Variants in PLPP3 observed in about 807,000 individuals in gnomAD.
PLPP3 encodes the protein phospholipid phosphatase 3, also known as PAP2 beta.
Under a neutral mutation model 29.6 loss-of-function variants are expected in PLPP3, and 6 were observed. The observed-to-expected ratio is 0.20, with a 90% CI of 0.11 to 0.40. The LOEUF (loss-of-function observed/expected upper bound fraction) is 0.40, where lower values mean the gene tolerates loss of function less well. Among genes scored for constraint, PLPP3 ranks in the 10% least tolerant of loss-of-function variants. The pLI, the probability that PLPP3 is intolerant of heterozygous loss-of-function variation, is 1.00. For missense variants in PLPP3, 308 were observed against 407.7 expected, an observed-to-expected ratio of 0.76 and a Z score of 2.11; for synonymous variants, 152 against 159.7, an observed-to-expected ratio of 0.95 and a Z score of 0.36.
intron 1 of PLPP3, among the ~76,000 whole-genome samples, chr1:56,570,287 T>C (rs1646189017): frequency 6.6e-6 from 1 of 152,204 alleles, no homozygotes; most frequent in South Asian, 2.1e-4. Context: ...GTATTATGTG[T>C]TTTAGGGATA....
chr1:56,504,063 C>T (rs974812296), intron 5 of PLPP3, among the ~76,000 whole-genome samples: 2 of 152,148 alleles, frequency 1.3e-5, no homozygotes, highest in African/African-American at 4.8e-5. Flanking sequence ...TAAGCCACTA[C>T]GCACCCAGCC....
At position 56,578,895 on chromosome 1, in the gene PLPP3, A is replaced by G; in HGVS notation, c.122T>C (p.Leu41Pro). 6.3e-7 allele frequency: 1 copy of G among 1,593,298 alleles called. No homozygotes were observed. The highest frequency in any genetic ancestry group is 8.5e-7 in the Non-Finnish European group (1 of 1,171,974). The change falls in exon 1 of 6, where the codon CTC becomes CCC. Residue 41 changes from leucine to proline, a missense_variant. Leu to Pro is a moderately conservative substitution (Grantham distance 98). Around this residue, in one of 3 missense-constraint regions of PLPP3, gnomAD observed 67 missense variants for 61.3 expected, o/e 1.09. Transcript: ENST00000371250. ...SKRVLLICLD[L>P]FCLFMAGLPF... ...GGGCTCACCCATGAAGAGGCAGAAGAGGTCGAGGCAGATGAGCAGCACCCG... is the reference window on the plus strand; with the variant it reads ...GGGCTCACCCATGAAGAGGCAGAAGGGGTCGAGGCAGATGAGCAGCACCCG...
chr1:56,569,613 AAAT>A (rs1442837531), intron 1 of PLPP3, among the ~76,000 whole-genome samples: 6 of 152,206 alleles, frequency 3.9e-5, no homozygotes, highest in African/African-American at 1.4e-4. Context: ...TCCAAGATAA[AAAT>A]AAAAAGAAAA....
intron 1 of PLPP3, among the ~76,000 whole-genome samples, chr1:56,557,066 GAA>G (rs1423668744): frequency 8.4e-4 from 106 of 125,536 alleles, no homozygotes; most frequent in Middle Eastern, 4.0e-3. Context: ...GAGAAAGAAA[GAA>G]AGAAAGAAAA....
At chr1:56,497,149 A>G (rs17114036) in intron 5 of PLPP3, among the ~76,000 whole-genome samples, 16,407 of 152,280 alleles carry the variant, frequency 0.11, 969 homozygotes, top group African/African-American at 0.16. Flanking sequence ...AGGCAGTGGT[A>G]ACTACTTTTT....
intron 1 of PLPP3, among the ~76,000 whole-genome samples, chr1:56,573,515 T>A (rs990771295): frequency 1.3e-5 from 2 of 152,132 alleles, no homozygotes; most frequent in African/African-American, 4.8e-5. Context: ...AACATAGTGA[T>A]TCTAAAATTG....
intron 4 of PLPP3, among the ~76,000 whole-genome samples, chr1:56,514,422 G>A (rs891523612): frequency 1.3e-5 from 2 of 152,114 alleles, no homozygotes; most frequent in African/African-American, 4.8e-5. Context: ...GGGGAAGGTG[G>A]GTGAGCAGTG....
At chr1:56,511,733 C>G (rs1645742260) in intron 5 of PLPP3, among the ~76,000 whole-genome samples, 1 of 151,910 alleles carries the variant, frequency 6.6e-6, no homozygotes, top group Non-Finnish European at 1.5e-5. Context: ...GAGCCCAAAA[C>G]CTCTGTATTT....
Position 56,494,795 on chromosome 1 carries a change from A to T in PLPP3, c.*1756T>A, listed in dbSNP as rs1645620893. On this transcript the variant is annotated 3_prime_UTR_variant, in exon 6 of 6. Transcript: ENST00000371250. ...TTACGAGCTTTTATTTAAAAAGCAC[A>T]TTTAATACAAGTATAGTTTCGCAGA... 1 of 152,702 alleles carries T rather than the reference A, an allele frequency of 6.5e-6. No individual in the cohort carries two copies. 9.5% of individuals were successfully genotyped at this position (152,702 alleles called of 1,614,324 possible).
intron 1 of PLPP3, among the ~76,000 whole-genome samples, chr1:56,572,885 T>C (rs1646209132): frequency 6.6e-6 from 1 of 152,184 alleles, no homozygotes; most frequent in Admixed American, 6.5e-5. Flanking sequence ...TATTACCAGG[T>C]TTGCTTATTT....
chr1:56,536,935 A>G lies in PLPP3; in HGVS notation c.297+20T>C, dbSNP rs765247011. The G allele has an allele frequency of 2.0e-5, 33 of 1,613,072 alleles. No individual in the cohort carries two copies. The highest frequency in any genetic ancestry group is 1.1e-4 in the East Asian group (5 of 44,860). On this transcript the variant is annotated intron_variant, in intron 2 of 5. Coordinates refer to ENST00000371250, the MANE Select transcript of PLPP3 (RefSeq NM_003713.5). ...GAAGAAGTCAGACAGGATCCACCAT[A>G]GCAGAGTCTGGACACTTACCGCGAG...
intron 5 of PLPP3, among the ~76,000 whole-genome samples, chr1:56,503,915 T>TGTGCAGGTGTGCAGGTG (rs1168154346): frequency 1.3e-5 from 2 of 152,128 alleles, no homozygotes; most frequent in African/African-American, 4.8e-5. Context: ...GTAGCTGGGA[T>TGTGCAGGTGTGCAGGTG]TACAGGTGTG....
intron 1 of PLPP3, among the ~76,000 whole-genome samples, chr1:56,557,004 A>G (rs200339099): frequency 0.03 from 136 of 4,504 alleles, 19 homozygotes; most frequent in South Asian, 0.12. Context: ...GAAAGAAAGA[A>G]AGAAAGAGAG....
chr1:56,543,111 G>A (rs1238521938), intron 1 of PLPP3, among the ~76,000 whole-genome samples: 1 of 151,954 alleles, frequency 6.6e-6, no homozygotes, highest in African/African-American at 2.4e-5. Flanking sequence ...TCTTACAAAT[G>A]GAAAAACTGA....
chr1:56,568,253 CA>C (rs966033671), intron 1 of PLPP3, among the ~76,000 whole-genome samples: 6 of 147,746 alleles, frequency 4.1e-5, no homozygotes, highest in Non-Finnish European at 6.0e-5. Context: ...TACTAAAAAC[CA>C]AAAAAAAAGA....
chr1:56,537,811 G>A (rs961152988), intron 1 of PLPP3, among the ~76,000 whole-genome samples: 18 of 152,146 alleles, frequency 1.2e-4, no homozygotes, highest in Non-Finnish European at 7.4e-5. Context: ...GCTTGGCCCT[G>A]CTGCCTGCAG....
At chr1:56,537,338 T>C (rs1270668130) in intron 1 of PLPP3, among the ~76,000 whole-genome samples, 1 of 152,050 alleles carries the variant, frequency 6.6e-6, no homozygotes, top group Non-Finnish European at 1.5e-5. Context: ...ATTATCCTCT[T>C]CTCTTCCCCA....
intron 4 of PLPP3, among the ~76,000 whole-genome samples, chr1:56,514,009 A>G (rs61772592): frequency 0.1 from 15,709 of 152,034 alleles, 946 homozygotes; most frequent in Middle Eastern, 0.15. Context: ...AAGATAATCT[A>G]AAAGACCAAA....
At chr1:56,499,950 C>A (rs1645656126) in intron 5 of PLPP3, among the ~76,000 whole-genome samples, 2 of 152,118 alleles carry the variant, frequency 1.3e-5, no homozygotes, top group African/African-American at 4.8e-5. Context: ...ACTGCCAGCC[C>A]ACAATCCTAC....
Sources: allele counts gnomAD v4.1 joint callset (sites outside exome capture counted in the v4.1 genomes callset), GRCh38; gene constraint gnomAD v4.1.1; regional missense constraint gnomAD v4.1.1; transcripts MANE v1.5; gene names NCBI Gene and HGNC (gene_info 2026-07-23, HGNC 2026-07-21).